Variants in OSBPL9 observed in about 807,000 individuals in gnomAD.
OSBPL9 encodes the protein oxysterol-binding protein-related protein 9.
Under a neutral mutation model 106.6 loss-of-function variants are expected in OSBPL9, and 40 were observed. The observed-to-expected ratio is 0.38, with a 90% CI of 0.29 to 0.49. The LOEUF is 0.49. Among genes scored for constraint, OSBPL9 ranks in the 20% least tolerant of loss-of-function variants. OSBPL9 has a pLI of 0.97. For synonymous variants in OSBPL9, 269 were observed against 295.4 expected (o/e 0.91, Z 0.92); for missense variants, 609 against 887.2 (o/e 0.69, Z 3.98).
intron 1 of OSBPL9, among the ~76,000 whole-genome samples, chr1:51,634,249 G>A (rs200433934): frequency 1.3e-5 from 2 of 152,194 alleles, no homozygotes; most frequent in African/African-American, 4.8e-5. Flanking sequence ...TTTTGGTAGA[G>A]GAGTGAACTT....
intron 1 of OSBPL9, among the ~76,000 whole-genome samples, chr1:51,585,955 T>C (rs1173270634): frequency 6.6e-6 from 1 of 151,620 alleles, no homozygotes. Context: ...GGTGAATCAC[T>C]TGAGGTCAGG....
intron 11 of OSBPL9, among the ~76,000 whole-genome samples, chr1:51,763,825 TTTG>T (rs1156834861): frequency 6.6e-6 from 1 of 152,174 alleles, no homozygotes; most frequent in Non-Finnish European, 1.5e-5. Context: ...ATAGTACCTG[TTTG>T]TTGTTGTTCG....
At chr1:51,586,458 G>C (rs1645248643) in intron 1 of OSBPL9, among the ~76,000 whole-genome samples, 1 of 151,954 alleles carries the variant, frequency 6.6e-6, no homozygotes, top group South Asian at 2.1e-4. Context: ...CCTTACTGTT[G>C]GGCATTTAGG....
intron 2 of OSBPL9, among the ~76,000 whole-genome samples, chr1:51,664,833 A>G: frequency 6.6e-6 from 1 of 152,220 alleles, no homozygotes; most frequent in East Asian, 1.9e-4. Context: ...CTGTTCATTG[A>G]GCTGTACACT....
intron 1 of OSBPL9, among the ~76,000 whole-genome samples, chr1:51,634,887 GAGGGA>G (rs1387421180): frequency 2.0e-5 from 3 of 152,202 alleles, no homozygotes; most frequent in African/African-American, 7.2e-5. Flanking sequence ...ACCAAGGGAA[GAGGGA>G]AACCGCTGAA....
chr1:51,586,142 C>A (rs913584296), intron 1 of OSBPL9, among the ~76,000 whole-genome samples: 2 of 151,452 alleles, frequency 1.3e-5, no homozygotes, highest in African/African-American at 2.4e-5. Context: ...CCACTGCACT[C>A]CAGCCTGGGC....
intron 15 of OSBPL9, among the ~76,000 whole-genome samples, chr1:51,780,792 T>G (rs940375558): frequency 2.7e-5 from 4 of 147,050 alleles, no homozygotes; most frequent in Non-Finnish European, 4.5e-5. Flanking sequence ...CAGTGGACTT[T>G]GGGGCTTCAA....
At chr1:51,629,978 G>A (rs1258048030) in intron 1 of OSBPL9, among the ~76,000 whole-genome samples, 1 of 151,988 alleles carries the variant, frequency 6.6e-6, no homozygotes, top group Non-Finnish European at 1.5e-5. Flanking sequence ...TGTGCATGGG[G>A]GAGGGGGAGT....
At position 51,697,474 on chromosome 1, in the gene OSBPL9, T is replaced by TG. The variant is rs1411292410; in HGVS notation, c.242-16529_242-16528insG. ...GTTACTTTTTTTTTTTTTTTTTTTT[T>TG]TTACTTAAATTGCAGAACAGGCAAA... On this transcript the variant is annotated intron_variant, in intron 3 of 23. Coordinates refer to ENST00000428468, the MANE Select transcript of OSBPL9 (RefSeq NM_024586.6). 2.0e-5 allele frequency among the ~76,000 whole-genome samples: 3 copies of TG among 150,546 alleles called. 1 individual carries two copies. Among genetic ancestry groups the TG allele is most frequent in the Non-Finnish European group, 3.0e-5 (2 of 67,700 alleles).
intron 3 of OSBPL9, chr1:51,709,605 C>CA (rs1440857581): frequency 1.3e-5 from 2 of 152,616 alleles, no homozygotes; most frequent in Non-Finnish European, 2.9e-5. Flanking sequence ...CATCTCGGTG[C>CA]AGGGCATCCA....
intron 2 of OSBPL9, among the ~76,000 whole-genome samples, chr1:51,604,298 G>C (rs1041585771): frequency 6.6e-6 from 1 of 152,188 alleles, no homozygotes; most frequent in Admixed American, 6.5e-5. Flanking sequence ...GCTCACGCCT[G>C]TAATCCCAGC....
the OSBPL9 span, among the ~76,000 whole-genome samples, chr1:51,546,867 G>A: frequency 6.6e-6 from 1 of 152,062 alleles, no homozygotes; most frequent in African/African-American, 2.4e-5. Flanking sequence ...AAAAAAGAGA[G>A]AAAAAGATAT....
chr1:51,554,260 C>T, the OSBPL9 span, among the ~76,000 whole-genome samples: 2 of 152,198 alleles, frequency 1.3e-5, no homozygotes, highest in African/African-American at 4.8e-5. Flanking sequence ...AAGACTTGAA[C>T]ATCCTCCTCT....
intron 1 of OSBPL9, among the ~76,000 whole-genome samples, chr1:51,626,455 TAACA>T (rs1644772747): frequency 6.6e-6 from 1 of 152,114 alleles, no homozygotes; most frequent in African/African-American, 2.4e-5. Context: ...TTATGCAGTA[TAACA>T]AACAGTTGTA....
At chr1:51,557,523 T>C in the OSBPL9 span, among the ~76,000 whole-genome samples, 6,020 of 152,306 alleles carry the variant, frequency 0.04, 176 homozygotes, top group Non-Finnish European at 0.061. Flanking sequence ...CAGTTCTGCA[T>C]CCTAACTGGT....
Position 51,635,294 on chromosome 1 carries a change from T to TA in OSBPL9, c.112-16686dup, listed in dbSNP as rs200222829. 2.8e-3 allele frequency among the ~76,000 whole-genome samples: 420 copies of TA among 147,506 alleles called. 2 individuals carry two copies. Among genetic ancestry groups the TA allele is most frequent in the African/African-American group, 9.0e-3 (365 of 40,404 alleles). On this transcript the variant is annotated intron_variant, in intron 1 of 23. Transcript: ENST00000428468. ...CAACATAGATAGACCCCATCTGTAT[T>TA]AAAAAAAAAAATGTCAGAACTTTGG...
At chr1:51,686,189 C>T (rs751159354) in intron 3 of OSBPL9, among the ~76,000 whole-genome samples, 1 of 152,174 alleles carries the variant, frequency 6.6e-6, no homozygotes, top group Non-Finnish European at 1.5e-5. Context: ...ACTTCGGGTT[C>T]AGTTAACGTG....
At chr1:51,602,631 G>A (rs1403744124) in intron 2 of OSBPL9, among the ~76,000 whole-genome samples, 3 of 150,846 alleles carry the variant, frequency 2.0e-5, no homozygotes, top group Admixed American at 2.0e-4. Context: ...GAGTGGGGCG[G>A]GGAGATGTCT....
the OSBPL9 span, chr1:51,567,305 G>C: frequency 6.6e-6 from 1 of 152,150 alleles, no homozygotes; most frequent in Non-Finnish European, 1.5e-5. Flanking sequence ...GAAGTCAAAG[G>C]CCATGTCTGG....
Sources: gnomAD v4.1 joint callset for allele counts (sites outside exome capture counted in the v4.1 genomes callset) on GRCh38, gnomAD v4.1.1 for gene constraint, MANE v1.5 for transcripts, NCBI Gene and HGNC (gene_info 2026-07-23, HGNC 2026-07-21) for gene names.